Variants in DACH1 observed in about 807,000 individuals in gnomAD.
DACH1 encodes dachshund family transcription factor 1, also known as dachshund homolog 1.
Under a neutral mutation model 54.2 loss-of-function variants are expected in DACH1, and 12 were observed. The ratio of observed to expected loss-of-function variants is 0.22; its 90% confidence interval spans 0.14 to 0.36. The LOEUF (loss-of-function observed/expected upper bound fraction) is 0.36. Among genes scored for constraint, DACH1 ranks in the 10% least tolerant of loss-of-function variants. DACH1 has a pLI of 1.00. For missense variants in DACH1, 805 were observed against 929.8 expected (o/e 0.87, Z 1.75); for synonymous variants, 386 against 366.2 (o/e 1.05, Z -0.62).
At chr13:71,780,371 T>G (rs928867520) in intron 1 of DACH1, among the ~76,000 whole-genome samples, 1 of 152,194 alleles carries the variant, frequency 6.6e-6, no homozygotes, top group African/African-American at 2.4e-5. Flanking sequence ...GACACTATCA[T>G]TTAAATTTCA....
intron 3 of DACH1, among the ~76,000 whole-genome samples, chr13:71,578,457 G>A (rs1439268966): frequency 6.6e-6 from 1 of 152,104 alleles, no homozygotes; most frequent in Non-Finnish European, 1.5e-5. Context: ...TTATCTTTTA[G>A]TGGATTAAGT....
chr13:71,710,488 GTGTGTTT>G (rs1882671703), intron 1 of DACH1, among the ~76,000 whole-genome samples: 1 of 143,524 alleles, frequency 7.0e-6, no homozygotes, highest in Non-Finnish European at 1.5e-5. Flanking sequence ...GTGTGTGTGT[GTGTGTTT>G]ATGTGTGTGT....
At chr13:71,781,985 C>T (rs1380485253) in intron 1 of DACH1, among the ~76,000 whole-genome samples, 1 of 152,130 alleles carries the variant, frequency 6.6e-6, no homozygotes, top group Non-Finnish European at 1.5e-5. Flanking sequence ...CAATAAGTAC[C>T]AATTTCTCAA....
At chr13:71,682,793 A>G (rs1880979428) in intron 1 of DACH1, among the ~76,000 whole-genome samples, 1 of 152,186 alleles carries the variant, frequency 6.6e-6, no homozygotes, top group South Asian at 2.1e-4. Context: ...TAATTATTAC[A>G]GTTATAAGCA....
chr13:71,513,695 A>T (rs1226171062), intron 6 of DACH1, among the ~76,000 whole-genome samples: 1 of 152,076 alleles, frequency 6.6e-6, no homozygotes, highest in Non-Finnish European at 1.5e-5. Flanking sequence ...TATTAAATCT[A>T]AACAATTGAT....
intron 3 of DACH1, among the ~76,000 whole-genome samples, chr13:71,624,967 C>T (rs1221276417): frequency 6.6e-6 from 1 of 151,758 alleles, no homozygotes; most frequent in Non-Finnish European, 1.5e-5. Context: ...CATAGGACAC[C>T]CCCTCCCTGA....
intron 10 of DACH1, among the ~76,000 whole-genome samples, chr13:71,460,807 C>G (rs2138138708): frequency 6.6e-6 from 1 of 152,172 alleles, no homozygotes; most frequent in Non-Finnish European, 1.5e-5. Flanking sequence ...TTTGACTCCA[C>G]TGCTGGTAAC....
intron 6 of DACH1, among the ~76,000 whole-genome samples, chr13:71,520,666 A>G (rs906970510): frequency 5.9e-5 from 9 of 151,856 alleles, no homozygotes; most frequent in Non-Finnish European, 4.4e-5. Flanking sequence ...TACATATAAA[A>G]TCAAGGAATA....
intron 3 of DACH1, among the ~76,000 whole-genome samples, chr13:71,599,240 T>C (rs1874323802): frequency 1.3e-5 from 2 of 152,186 alleles, no homozygotes; most frequent in African/African-American, 4.8e-5. Flanking sequence ...AATTTAATAC[T>C]ACTTCAGAAA....
chr13:71,759,477 TTAAAG>T (rs1885310013), intron 1 of DACH1, among the ~76,000 whole-genome samples: 1 of 152,190 alleles, frequency 6.6e-6, no homozygotes, highest in African/African-American at 2.4e-5. Context: ...TTTTTAAATA[TTAAAG>T]TAAACAATTT....
intron 1 of DACH1, among the ~76,000 whole-genome samples, chr13:71,779,202 TATGTGTATA>T (rs1566494917): frequency 2.4e-5 from 3 of 125,400 alleles, no homozygotes; most frequent in African/African-American, 9.9e-5. Context: ...TATACGTATA[TATGTGTATA>T]TATATACGTA....
chr13:71,718,890 T>C (rs1163067801), intron 1 of DACH1, among the ~76,000 whole-genome samples: 2 of 152,202 alleles, frequency 1.3e-5, no homozygotes, highest in Non-Finnish European at 2.9e-5. Context: ...GGCTGCTCTA[T>C]CAACATTCCC....
At chr13:71,666,273 T>G (rs1158315396) in intron 2 of DACH1, among the ~76,000 whole-genome samples, 1 of 152,172 alleles carries the variant, frequency 6.6e-6, no homozygotes, top group African/African-American at 2.4e-5. Flanking sequence ...TAAATATGCT[T>G]TATAAATGCA....
chr13:71,441,372 C>T (rs1004945067), intron 10 of DACH1, among the ~76,000 whole-genome samples: 2 of 151,904 alleles, frequency 1.3e-5, no homozygotes, highest in Non-Finnish European at 2.9e-5. Context: ...GAATGAAGCA[C>T]TAATAAGAAA....
intron 6 of DACH1, among the ~76,000 whole-genome samples, chr13:71,534,935 T>G (rs1882661025): frequency 6.6e-6 from 1 of 151,780 alleles, no homozygotes. Flanking sequence ...TGCTGAAATT[T>G]TAGAAGAATG....
At chr13:71,593,151 T>G (rs982361507) in intron 3 of DACH1, among the ~76,000 whole-genome samples, 13 of 152,276 alleles carry the variant, frequency 8.5e-5, no homozygotes, top group Middle Eastern at 6.8e-3. Flanking sequence ...TGGGGATTTA[T>G]TTTTAATTTT....
At chr13:71,758,074 G>A (rs1420585769) in intron 1 of DACH1, among the ~76,000 whole-genome samples, 3 of 151,852 alleles carry the variant, frequency 2.0e-5, no homozygotes, top group Non-Finnish European at 4.4e-5. Flanking sequence ...ATTGACCACC[G>A]AAGACTTGAT....
chr13:71,654,527 A>G (rs1372195977), intron 2 of DACH1, among the ~76,000 whole-genome samples: 1 of 151,108 alleles, frequency 6.6e-6, no homozygotes, highest in Non-Finnish European at 1.5e-5. Flanking sequence ...AATACAACTA[A>G]TAAATGGGGC....
At chr13:71,510,398 T>TA (rs940635725) in intron 6 of DACH1, among the ~76,000 whole-genome samples, 19 of 151,794 alleles carry the variant, frequency 1.3e-4, no homozygotes, top group African/African-American at 2.7e-4. Flanking sequence ...ATAGATATCC[T>TA]AAAAAAAATG....
Sources: allele counts gnomAD v4.1 joint callset (sites outside exome capture counted in the v4.1 genomes callset), GRCh38; gene constraint gnomAD v4.1.1; transcripts MANE v1.5; gene names NCBI Gene and HGNC (gene_info 2026-07-23, HGNC 2026-07-21).